The following RGS7 variants were observed in gnomAD, a reference collection of about 807,000 sequenced individuals.
The protein encoded by RGS7 is regulator of G protein signaling 7, also known as regulator of G-protein signaling 7.
In RGS7, 27 loss-of-function variants were observed where a neutral mutation model predicts 81.1. That is an observed-to-expected ratio of 0.33 (90% confidence interval 0.25 to 0.46). RGS7 has a LOEUF of 0.46. RGS7 is among the 20% of genes least tolerant of loss of function. The probability of loss-of-function intolerance (pLI) is 1.00; values close to 1 mark genes in which losing one functional copy is unlikely to be tolerated. For synonymous variants in RGS7, 208 were observed against 207.7 expected, an observed-to-expected ratio of 1.00 and a Z score of -0.01; for missense variants, 396 against 607.4, an observed-to-expected ratio of 0.65 and a Z score of 3.66.
At chr1:241,318,828 A>G (rs2081043930) in intron 2 of RGS7, among the ~76,000 whole-genome samples, 1 of 152,230 alleles carries the variant, frequency 6.6e-6, no homozygotes, top group Admixed American at 6.5e-5. Context: ...AAAATGATCA[A>G]CATTTATATT....
intron 2 of RGS7, among the ~76,000 whole-genome samples, chr1:241,285,999 G>A (rs912705644): frequency 1.5e-4 from 23 of 152,174 alleles, no homozygotes; most frequent in African/African-American, 3.9e-4. Flanking sequence ...AGCCATGAAT[G>A]TAATCATCGT....
chr1:241,160,418 T>C (rs1180868492), intron 2 of RGS7, among the ~76,000 whole-genome samples: 4 of 144,264 alleles, frequency 2.8e-5, no homozygotes, highest in Non-Finnish European at 6.1e-5. Context: ...CTGAACGGTG[T>C]GTGGAATAAG....
chr1:241,074,023 C>T (rs374515711), intron 3 of RGS7, among the ~76,000 whole-genome samples: 10 of 151,878 alleles, frequency 6.6e-5, no homozygotes, highest in African/African-American at 2.4e-4. Context: ...GCCTCAGACT[C>T]TCGAGTAGCT....
intron 3 of RGS7, among the ~76,000 whole-genome samples, chr1:240,991,962 T>C (rs1327668393): frequency 6.6e-6 from 1 of 152,222 alleles, no homozygotes; most frequent in Admixed American, 6.5e-5. Flanking sequence ...AAAATGTTTA[T>C]TGATCGATAA....
chr1:241,233,135 G>A (rs1221307775), intron 2 of RGS7, among the ~76,000 whole-genome samples: 1 of 152,188 alleles, frequency 6.6e-6, no homozygotes, highest in Non-Finnish European at 1.5e-5. Flanking sequence ...ATTGATACAT[G>A]TTAGATGTCC....
chr1:241,130,944 A>AAAAAAAAAAAAAC lies in RGS7; in HGVS notation c.79-32183_79-32182insGTTTTTTTTTTTT, dbSNP rs1491202997. On this transcript the variant is annotated intron_variant, in intron 2 of 18. Coordinates refer to ENST00000440928, the MANE Select transcript of RGS7 (RefSeq NM_001364886.1). ...CTTAATTACAAAAAAAAAAAAAAAA[A>AAAAAAAAAAAAAC]ACCAAGAGGCCAGATAATTCTACTC... Among the ~76,000 whole-genome samples the AAAAAAAAAAAAAC allele has an allele frequency of 5.4e-4, 81 of 150,192 alleles. 1 individual carries two copies. The highest frequency in any genetic ancestry group is 2.0e-3 in the African/African-American group (79 of 39,800).
At chr1:240,919,001 T>A (rs900569779) in intron 6 of RGS7, among the ~76,000 whole-genome samples, 3 of 151,780 alleles carry the variant, frequency 2.0e-5, no homozygotes, top group Non-Finnish European at 2.9e-5. Flanking sequence ...TGAACCAAGT[T>A]TTTGAAAGAT....
At chr1:241,306,831 A>G (rs190289261) in intron 2 of RGS7, among the ~76,000 whole-genome samples, 41 of 152,214 alleles carry the variant, frequency 2.7e-4, no homozygotes, top group Non-Finnish European at 4.4e-4. Context: ...ACACACATCT[A>G]TCCACTCACA....
At chr1:241,002,347 G>C (rs1160520180) in intron 3 of RGS7, among the ~76,000 whole-genome samples, 2 of 151,940 alleles carry the variant, frequency 1.3e-5, no homozygotes, top group African/African-American at 4.8e-5. Context: ...CAGCTACTTG[G>C]GAGGCTGAGG....
intron 3 of RGS7, among the ~76,000 whole-genome samples, chr1:241,091,454 A>C (rs1400566445): frequency 6.6e-6 from 1 of 151,912 alleles, no homozygotes; most frequent in Non-Finnish European, 1.5e-5. Context: ...AGGCTGAGGC[A>C]GGAGAATGGC....
intron 15 of RGS7, among the ~76,000 whole-genome samples, chr1:240,804,461 C>CAAAA (rs547221973): frequency 4.8e-4 from 73 of 150,890 alleles, no homozygotes; most frequent in African/African-American, 1.6e-3. Flanking sequence ...TTAAAAACCA[C>CAAAA]AAAAAAAACT....
chr1:241,280,713 C>A (rs2078454091), intron 2 of RGS7, among the ~76,000 whole-genome samples: 1 of 152,158 alleles, frequency 6.6e-6, no homozygotes, highest in Non-Finnish European at 1.5e-5. Context: ...GTTGCCCAGG[C>A]TGGTCTGGAA....
intron 3 of RGS7, chr1:240,998,525 G>T: frequency 2.1e-6 from 2 of 971,738 alleles, no homozygotes; most frequent in Non-Finnish European, 3.2e-6. Context: ...CTTCTCCTCA[G>T]CTGGAGCAGC....
chr1:240,986,727 C>T (rs1685726556), intron 3 of RGS7, among the ~76,000 whole-genome samples: 1 of 19,906 alleles, frequency 5.0e-5, no homozygotes, highest in African/African-American at 2.2e-4. Context: ...GGACTACAGG[C>T]GCCCGCCACC....
chr1:240,784,521 C>T (rs950184703), intron 18 of RGS7, among the ~76,000 whole-genome samples: 2 of 150,512 alleles, frequency 1.3e-5, no homozygotes, highest in African/African-American at 4.9e-5. Context: ...TGGCGGGCGC[C>T]TGTAGTCCCA....
intron 2 of RGS7, among the ~76,000 whole-genome samples, chr1:241,250,571 G>T (rs2076781188): frequency 6.6e-6 from 1 of 152,010 alleles, no homozygotes; most frequent in Non-Finnish European, 1.5e-5. Flanking sequence ...AAATAGCACA[G>T]GCCATGCCTT....
At chr1:241,091,607 C>T (rs1256492372) in intron 3 of RGS7, among the ~76,000 whole-genome samples, 2 of 150,604 alleles carry the variant, frequency 1.3e-5, no homozygotes, top group Non-Finnish European at 3.0e-5. Context: ...AAAAGCTGGC[C>T]GGATGCAATG....
At position 240,812,034 on chromosome 1, in the gene RGS7, C is replaced by T. The variant is rs773183167; in HGVS notation, c.966G>A (p.Pro322=). ...TFWELEASKE[P]SQQRVKRWGF... ...CCCATCGTTTTACCCTCTGCTGGCT[C>T]GGTTCTTTGCTATAGAAGATAAAAC... is the stretch of plus-strand genomic sequence containing the variant. Residue 322 remains proline, a synonymous_variant, in exon 14 of 19, where the codon CCG becomes CCA. Coordinates refer to ENST00000440928, the MANE Select transcript of RGS7 (RefSeq NM_001364886.1). 16 of 1,613,996 alleles carry T rather than the reference C, an allele frequency of 9.9e-6. No individual in the cohort carries two copies. Among genetic ancestry groups the T allele is most frequent in the Middle Eastern group, 1.6e-4 (1 of 6,084 alleles).
At chr1:241,295,189 C>T (rs2079333068) in intron 2 of RGS7, among the ~76,000 whole-genome samples, 1 of 152,092 alleles carries the variant, frequency 6.6e-6, no homozygotes, top group African/African-American at 2.4e-5. Flanking sequence ...TGGCTCACGC[C>T]TGTAATCCCA....
Sources: gnomAD v4.1 joint callset for allele counts (sites outside exome capture counted in the v4.1 genomes callset) on GRCh38, gnomAD v4.1.1 for gene constraint, MANE v1.5 for transcripts, NCBI Gene and HGNC (gene_info 2026-07-23, HGNC 2026-07-21) for gene names.